The following SNX10 variants were observed in gnomAD, a reference collection of about 807,000 sequenced individuals.
The protein encoded by SNX10 is sorting nexin 10, also known as sorting nexin-10.
Under a neutral mutation model 28.5 loss-of-function variants are expected in SNX10, and 25 were observed. The ratio of observed to expected loss-of-function variants is 0.88; its 90% CI spans 0.64 to 1.22. SNX10 has a LOEUF of 1.22. Ranked by LOEUF, SNX10 falls within the 50% of genes most tolerant of loss-of-function variation. The pLI, the probability that SNX10 is intolerant of heterozygous loss-of-function variation, is 0.00. For synonymous variants in SNX10, 62 were observed against 81.4 expected (o/e 0.76, Z 1.28); for missense variants, 223 against 242.6 (o/e 0.92, Z 0.54).
intron 1 of SNX10, among the ~76,000 whole-genome samples, chr7:26,301,793 A>G (rs1786378014): frequency 6.6e-6 from 1 of 152,168 alleles, no homozygotes; most frequent in African/African-American, 2.4e-5. Flanking sequence ...AGGAGACAGG[A>G]TTTGAGCCAC....
chr7:26,320,046 A>G (rs13238363), intron 1 of SNX10, among the ~76,000 whole-genome samples: 2,772 of 152,048 alleles, frequency 0.018, 40 homozygotes, highest in African/African-American at 0.045. Flanking sequence ...CAGTGGTGCA[A>G]TCTCGGCTCA....
chr7:26,342,201 A>G (rs1390508507), intron 1 of SNX10, among the ~76,000 whole-genome samples: 1 of 151,520 alleles, frequency 6.6e-6, no homozygotes, highest in Non-Finnish European at 1.5e-5. Flanking sequence ...TGATTTTTGT[A>G]TTTTTAGTAG....
intron 1 of SNX10, among the ~76,000 whole-genome samples, chr7:26,339,480 G>C (rs1398744996): frequency 6.6e-6 from 1 of 150,780 alleles, no homozygotes; most frequent in Admixed American, 6.6e-5. Flanking sequence ...GGTGAAGTCA[G>C]GCATTTAGGG....
intron 1 of SNX10, among the ~76,000 whole-genome samples, chr7:26,324,650 T>C (rs6955920): frequency 0.85 from 128,830 of 152,070 alleles, 55,072 homozygotes; most frequent in Non-Finnish European, 0.92. Flanking sequence ...TGTGAGCCAC[T>C]GTGCCTGGCC....
At chr7:26,298,912 G>A (rs1395004371) in intron 1 of SNX10, among the ~76,000 whole-genome samples, 1 of 152,160 alleles carries the variant, frequency 6.6e-6, no homozygotes, top group Non-Finnish European at 1.5e-5. Context: ...CATCACGAGG[G>A]CCCCACCCTT....
chr7:26,330,631 G>T (rs561760126), intron 1 of SNX10, among the ~76,000 whole-genome samples: 30 of 152,278 alleles, frequency 2.0e-4, no homozygotes, highest in South Asian at 6.2e-4. Flanking sequence ...AGAGATGAGA[G>T]AACCCCAGAG....
chr7:26,347,615 C>T lies in SNX10; in HGVS notation c.24+1149C>T, dbSNP rs150692116. ...CTGTAATCCCAGCACTTTGGGAGAC[C>T]GAGGTGGTTGGATTACTTGAGGTCA... On this transcript the variant is annotated intron_variant, in intron 2 of 6. Transcript: ENST00000338523. Among the ~76,000 whole-genome samples, 905 of 152,258 alleles carry T rather than the reference C, an allele frequency of 5.9e-3. 9 individuals are homozygous for T. Among genetic ancestry groups the T allele is most frequent in the African/African-American group, 0.02 (844 of 41,542 alleles).
chr7:26,339,096 G>A (rs1481048199), intron 1 of SNX10, among the ~76,000 whole-genome samples: 1 of 152,144 alleles, frequency 6.6e-6, no homozygotes, highest in Non-Finnish European at 1.5e-5. Flanking sequence ...GGGTCTTTTC[G>A]GGAAAGGGCT....
chr7:26,297,681 GCCTTCCATA>G (rs1562779747), intron 1 of SNX10, among the ~76,000 whole-genome samples: 1 of 151,854 alleles, frequency 6.6e-6, no homozygotes, highest in Admixed American at 6.6e-5. Context: ...ATTTTTCAGG[GCCTTCCATA>G]CCTGCCCCTT....
At chr7:26,341,404 G>C (rs1268623926) in intron 1 of SNX10, among the ~76,000 whole-genome samples, 1 of 152,076 alleles carries the variant, frequency 6.6e-6, no homozygotes, top group African/African-American at 2.4e-5. Flanking sequence ...GGAAGAGAGA[G>C]AATACTCTAG....
chr7:26,334,333 C>T (rs989132199), intron 1 of SNX10, among the ~76,000 whole-genome samples: 16 of 152,152 alleles, frequency 1.1e-4, no homozygotes, highest in Non-Finnish European at 1.9e-4. Context: ...TGTCACAGTA[C>T]GAGTTAGGAA....
At chr7:26,346,779 T>C (rs1788405319) in intron 2 of SNX10, among the ~76,000 whole-genome samples, 1 of 152,242 alleles carries the variant, frequency 6.6e-6, no homozygotes, top group African/African-American at 2.4e-5. Flanking sequence ...TTTTACTCCA[T>C]TGACTCATCC....
intron 1 of SNX10, among the ~76,000 whole-genome samples, chr7:26,295,579 A>C (rs767317528): frequency 6.6e-6 from 1 of 152,252 alleles, no homozygotes; most frequent in African/African-American, 2.4e-5. Flanking sequence ...ACGGGACTCA[A>C]ACTCAGGTTC....
intron 1 of SNX10, among the ~76,000 whole-genome samples, chr7:26,312,915 AT>A (rs1245322806): frequency 6.6e-6 from 1 of 152,234 alleles, no homozygotes; most frequent in African/African-American, 2.4e-5. Flanking sequence ...AAGATAAAAC[AT>A]TTTGCAAACG....
chr7:26,362,577 A>T (rs1789121581), intron 3 of SNX10, among the ~76,000 whole-genome samples: 1 of 152,254 alleles, frequency 6.6e-6, no homozygotes, highest in Non-Finnish European at 1.5e-5. Flanking sequence ...AAATAGATTT[A>T]TTAGAGGAAC....
chr7:26,343,760 A>T (rs1017506641), intron 1 of SNX10, among the ~76,000 whole-genome samples: 1 of 152,192 alleles, frequency 6.6e-6, no homozygotes, highest in Non-Finnish European at 1.5e-5. Flanking sequence ...GCTCTGGTGC[A>T]GGAATCCCAT....
chr7:26,324,437 G>A (rs1787424935), intron 1 of SNX10, among the ~76,000 whole-genome samples: 1 of 152,186 alleles, frequency 6.6e-6, no homozygotes, highest in Non-Finnish European at 1.5e-5. Flanking sequence ...ATGGCTCACT[G>A]TAGCCTCAAT....
intron 1 of SNX10, among the ~76,000 whole-genome samples, chr7:26,304,428 C>T (rs1382434311): frequency 6.6e-6 from 1 of 152,218 alleles, no homozygotes; most frequent in Non-Finnish European, 1.5e-5. Context: ...GATCCAATTT[C>T]CAGAAGCAGA....
At chr7:26,329,409 C>T (rs1468289639) in intron 1 of SNX10, among the ~76,000 whole-genome samples, 1 of 152,214 alleles carries the variant, frequency 6.6e-6, no homozygotes, top group Non-Finnish European at 1.5e-5. Context: ...CCTGACCACC[C>T]ACATATGAAG....
Sources: gnomAD v4.1 joint callset for allele counts (sites outside exome capture counted in the v4.1 genomes callset) on GRCh38, gnomAD v4.1.1 for gene constraint, MANE v1.5 for transcripts, NCBI Gene and HGNC (gene_info 2026-07-23, HGNC 2026-07-21) for gene names.